Variants in HSD11B1 observed in about 807,000 individuals in gnomAD.
The protein encoded by HSD11B1 is 11-beta-hydroxysteroid dehydrogenase 1.
In HSD11B1, 15 loss-of-function variants were observed where a neutral mutation model predicts 22.1. The observed-to-expected ratio is 0.68, with a 90% CI of 0.45 to 1.04. The LOEUF (loss-of-function observed/expected upper bound fraction) is 1.04. HSD11B1 is among the 50% of genes least tolerant of loss of function. The probability of loss-of-function intolerance (pLI) is 0.00; values close to 1 mark genes in which losing one functional copy is unlikely to be tolerated. For synonymous variants in HSD11B1, 122 were observed against 125.2 expected (o/e 0.97, Z 0.17); for missense variants, 281 against 357.6 (o/e 0.79, Z 1.73).
upstream of HSD11B1, among the ~76,000 whole-genome samples, chr1:209,703,921 G>A (rs958916975): frequency 1.2e-4 from 18 of 152,032 alleles, no homozygotes; most frequent in Admixed American, 1.0e-3. Flanking sequence ...TTCGTGCTAC[G>A]GACATACTGA....
intron 1 of HSD11B1, among the ~76,000 whole-genome samples, chr1:209,705,384 A>C (rs1166410109): frequency 6.6e-6 from 1 of 151,998 alleles, no homozygotes; most frequent in East Asian, 1.9e-4. Context: ...AAAAAAAAAA[A>C]AAAAAAAACT....
chr1:209,698,166 A>T (rs1233636951), intron 1 of HSD11B1, among the ~76,000 whole-genome samples: 1 of 113,166 alleles, frequency 8.8e-6, no homozygotes, highest in African/African-American at 3.3e-5. Context: ...AGATAGATAG[A>T]TTAGATAGAT....
At chr1:209,708,747 T>C (rs2076876307) in intron 4 of HSD11B1, among the ~76,000 whole-genome samples, 1 of 152,198 alleles carries the variant, frequency 6.6e-6, no homozygotes, top group Non-Finnish European at 1.5e-5. Context: ...AATGTACCCA[T>C]GATCTAAATG....
chr1:209,724,059 G>A (rs1009675994), intron 4 of HSD11B1: 1 of 152,354 alleles, frequency 6.6e-6, no homozygotes, highest in Non-Finnish European at 1.5e-5. Flanking sequence ...GGGCAGAATT[G>A]GAAATGGCTC....
intron 4 of HSD11B1, among the ~76,000 whole-genome samples, chr1:209,724,630 T>C (rs2076988745): frequency 2.6e-5 from 4 of 152,190 alleles, no homozygotes; most frequent in Admixed American, 2.0e-4. Flanking sequence ...TCATGGAATC[T>C]TTTTTAAAAA....
intron 4 of HSD11B1, among the ~76,000 whole-genome samples, chr1:209,707,926 G>GAA (rs75483351): frequency 4.2e-5 from 6 of 142,348 alleles, no homozygotes; most frequent in Admixed American, 1.4e-4. Flanking sequence ...TGAACAACAA[G>GAA]AAAAAAAAAA....
chr1:209,696,990 G>A (rs1462948476), intron 1 of HSD11B1, among the ~76,000 whole-genome samples: 1 of 152,150 alleles, frequency 6.6e-6, no homozygotes, highest in African/African-American at 2.4e-5. Flanking sequence ...GGCAATGAGG[G>A]GATACAAAGA....
intron 1 of HSD11B1, among the ~76,000 whole-genome samples, chr1:209,687,669 C>T (rs901540569): frequency 2.0e-5 from 3 of 152,120 alleles, no homozygotes; most frequent in Admixed American, 2.0e-4. Flanking sequence ...AGAGTCCCAC[C>T]CAGGAGCCTT....
At chr1:209,726,213 G>A (rs1163085030) in intron 4 of HSD11B1, among the ~76,000 whole-genome samples, 2 of 144,744 alleles carry the variant, frequency 1.4e-5, no homozygotes, top group African/African-American at 2.6e-5. Context: ...CCCGGGAGGC[G>A]TAGGTTGCAG....
At chr1:209,721,495 C>A (rs1051039167) in intron 4 of HSD11B1, among the ~76,000 whole-genome samples, 1 of 149,340 alleles carries the variant, frequency 6.7e-6, no homozygotes, top group African/African-American at 2.5e-5. Context: ...AAATCCCCAT[C>A]CTGGGAGTCT....
chr1:209,719,719 A>G (rs1255663106), intron 4 of HSD11B1, among the ~76,000 whole-genome samples: 1 of 152,190 alleles, frequency 6.6e-6, no homozygotes, highest in Non-Finnish European at 1.5e-5. Flanking sequence ...AGTCCCTGCA[A>G]AGGACATGAA....
upstream of HSD11B1, among the ~76,000 whole-genome samples, chr1:209,700,664 GTGTT>G (rs1207801693): frequency 3.9e-5 from 6 of 152,180 alleles, no homozygotes; most frequent in Non-Finnish European, 1.5e-5. Context: ...CTCAAAAAAT[GTGTT>G]TTTCTTTTTT....
At chr1:209,702,006 G>A (rs928938252), upstream of HSD11B1, among the ~76,000 whole-genome samples, 1 of 152,210 alleles carries the variant, frequency 6.6e-6, no homozygotes, top group African/African-American at 2.4e-5. Flanking sequence ...GGTATCTGCT[G>A]AAAGCCTGCT....
chr1:209,722,935 C>T (rs1437617481), intron 4 of HSD11B1, among the ~76,000 whole-genome samples: 4 of 152,170 alleles, frequency 2.6e-5, no homozygotes, highest in South Asian at 2.1e-4. Context: ...AGGGGATGAA[C>T]GAAAGCATGT....
At chr1:209,730,698 T>C (rs2077030270) in intron 4 of HSD11B1, among the ~76,000 whole-genome samples, 1 of 152,250 alleles carries the variant, frequency 6.6e-6, no homozygotes, top group Non-Finnish European at 1.5e-5. Context: ...AGTTAATTTT[T>C]TCCAATAAGT....
At chr1:209,692,619 T>TGG (rs75112051) in intron 1 of HSD11B1, among the ~76,000 whole-genome samples, 3 of 32,572 alleles carry the variant, frequency 9.2e-5, no homozygotes, top group Non-Finnish European at 1.2e-4. Context: ...GGGGGGGGGG[T>TGG]GGGGGCTCGG....
At chr1:209,701,311 A>C (rs1240404025), upstream of HSD11B1, among the ~76,000 whole-genome samples, 7 of 152,168 alleles carry the variant, frequency 4.6e-5, no homozygotes, top group African/African-American at 1.7e-4. Flanking sequence ...GCAAGAGAAA[A>C]ATGAGGAAGA....
At chr1:209,724,844 T>G (rs1339582344) in intron 4 of HSD11B1, among the ~76,000 whole-genome samples, 1 of 152,212 alleles carries the variant, frequency 6.6e-6, no homozygotes, top group Admixed American at 6.5e-5. Flanking sequence ...GATTTTTCTC[T>G]CTTCTCTTCA....
At chr1:209,705,965 A>G in intron 2 of HSD11B1, 24 bp downstream of exon 2, 4 of 1,613,416 alleles carry the variant, frequency 2.5e-6, no homozygotes, top group African/African-American at 1.3e-5. Flanking sequence ...GCTCGCAGAT[A>G]TGTGTACCGT....
Sources: gnomAD v4.1 joint callset for allele counts (sites outside exome capture counted in the v4.1 genomes callset) on GRCh38, gnomAD v4.1.1 for gene constraint, MANE v1.5 for transcripts, NCBI Gene and HGNC (gene_info 2026-07-23, HGNC 2026-07-21) for gene names.